COG7: variants seen among roughly 807,000 people sequenced by gnomAD.
COG7 encodes the protein component of oligomeric golgi complex 7.
A neutral mutation model predicts 91.5 loss-of-function variants in COG7; 49 were observed. That is an observed-to-expected ratio of 0.54 (90% CI 0.43 to 0.68). The LOEUF (loss-of-function observed/expected upper bound fraction) is 0.68. COG7 is among the 30% of genes least tolerant of loss of function. The pLI is 0.00. For missense variants in COG7, 895 were observed against 961.3 expected (o/e 0.93, Z 0.91); for synonymous variants, 365 against 388.7 (o/e 0.94, Z 0.72).
chr16:23,443,551 C>G (rs898344105), intron 3 of COG7, among the ~76,000 whole-genome samples: 4 of 151,154 alleles, frequency 2.6e-5, no homozygotes, highest in Admixed American at 6.6e-5. Context: ...ATTAGCCAGG[C>G]ATGGTGGCGT....
At chr16:23,442,271 T>C (rs1351620565) in intron 4 of COG7, among the ~76,000 whole-genome samples, 1 of 149,578 alleles carries the variant, frequency 6.7e-6, no homozygotes, top group East Asian at 2.0e-4. Context: ...GAGGTGGAGG[T>C]TGCAGTAAGC....
chr16:23,443,829 G>A (rs1964139918), intron 3 of COG7, among the ~76,000 whole-genome samples: 1 of 152,110 alleles, frequency 6.6e-6, no homozygotes, highest in Non-Finnish European at 1.5e-5. Context: ...TGGGCATAAA[G>A]TTGATAACAG....
intron 7 of COG7, among the ~76,000 whole-genome samples, chr16:23,420,202 T>C (rs1451533936): frequency 6.6e-6 from 1 of 152,128 alleles, no homozygotes; most frequent in Non-Finnish European, 1.5e-5. Flanking sequence ...CACATAAAAA[T>C]GTAAAACACG....
At chr16:23,425,358 G>T (rs1963829850) in intron 6 of COG7, among the ~76,000 whole-genome samples, 1 of 151,966 alleles carries the variant, frequency 6.6e-6, no homozygotes, top group African/African-American at 2.4e-5. Flanking sequence ...TTGAGACAGG[G>T]TCTCACTCTG....
intron 8 of COG7, among the ~76,000 whole-genome samples, chr16:23,417,942 A>G (rs1274902828): frequency 6.6e-6 from 1 of 152,172 alleles, no homozygotes. Context: ...TGAAATATCA[A>G]TGTACCTCAT....
chr16:23,397,944 C>A, intron 14 of COG7, 102 bp downstream of exon 14: 1 of 1,003,304 alleles, frequency 1.0e-6, no homozygotes, highest in South Asian at 1.3e-5. Context: ...CCAAAAGGGT[C>A]AGATAGCACC....
intron 6 of COG7, among the ~76,000 whole-genome samples, chr16:23,427,190 G>C (rs1326609560): frequency 6.6e-6 from 1 of 152,200 alleles, no homozygotes; most frequent in East Asian, 1.9e-4. Context: ...AGTGGAGGCT[G>C]CAGTGAGCTG....
At chr16:23,429,492 G>A (rs1443241027) in intron 6 of COG7, among the ~76,000 whole-genome samples, 2 of 152,176 alleles carry the variant, frequency 1.3e-5, no homozygotes, top group Non-Finnish European at 2.9e-5. Flanking sequence ...GCTGGGTGCA[G>A]TGGCTCACGC....
chr16:23,393,483 G>A (rs1963234465), intron 14 of COG7, 136 bp from the exon 15 acceptor site: 1 of 697,572 alleles, frequency 1.4e-6, no homozygotes, highest in Admixed American at 2.1e-5. Flanking sequence ...GATCTTTCTA[G>A]TATGTGGCGA....
intron 16 of COG7, 59 bp from the exon 17 acceptor site, chr16:23,389,145 A>C: frequency 6.3e-7 from 1 of 1,590,876 alleles, no homozygotes; most frequent in Admixed American, 1.7e-5. Context: ...AGCAGGTCAG[A>C]GCCCCACAGG....
At chr16:23,408,577 A>C (rs937130505) in intron 11 of COG7, among the ~76,000 whole-genome samples, 9 of 151,920 alleles carry the variant, frequency 5.9e-5, no homozygotes, top group Non-Finnish European at 1.0e-4. Flanking sequence ...CTTTAGTCCA[A>C]GATTTTTTGT....
At chr16:23,442,978 T>TAGCCAAGATCACACCACTGCACTC (rs998689556) in intron 3 of COG7, among the ~76,000 whole-genome samples, 8 of 150,498 alleles carry the variant, frequency 5.3e-5, no homozygotes, top group Non-Finnish European at 7.4e-5. Flanking sequence ...AGACTGCAGT[T>TAGCCAAGATCACACCACTGCACTC]AGCCAAGATC....
intron 16 of COG7, among the ~76,000 whole-genome samples, chr16:23,390,596 T>C (rs942510663): frequency 2.6e-5 from 4 of 151,996 alleles, no homozygotes; most frequent in African/African-American, 9.7e-5. Flanking sequence ...CTTGTGTTTT[T>C]TGTTTTGTTT....
intron 2 of COG7, 62 bp from the exon 3 acceptor site, chr16:23,445,226 G>A: frequency 8.7e-7 from 1 of 1,155,076 alleles, no homozygotes; most frequent in Non-Finnish European, 1.3e-6. Context: ...TCTGCCACCA[G>A]GGACTTGAAA....
intron 9 of COG7, chr16:23,413,984 C>T (rs1426643671): frequency 5.5e-6 from 1 of 182,428 alleles, no homozygotes; most frequent in Non-Finnish European, 1.2e-5. Context: ...GTCATGACAT[C>T]CAAGGTACCT....
At chr16:23,416,881 AG>A (rs1235938626) in intron 9 of COG7, 85 bp downstream of exon 9, 1 of 1,504,118 alleles carries the variant, frequency 6.6e-7, no homozygotes, top group Non-Finnish European at 9.2e-7. Flanking sequence ...CAGGGTTCAG[AG>A]AACAAATACA....
chr16:23,430,818 G>C (rs1439372489), intron 6 of COG7, among the ~76,000 whole-genome samples: 1 of 151,986 alleles, frequency 6.6e-6, no homozygotes, highest in African/African-American at 2.4e-5. Flanking sequence ...TGGGATTACA[G>C]GTGTGAAACA....
intron 14 of COG7, among the ~76,000 whole-genome samples, chr16:23,396,317 C>T (rs1963284773): frequency 6.6e-6 from 1 of 152,162 alleles, no homozygotes; most frequent in African/African-American, 2.4e-5. Context: ...GGTAGCCACT[C>T]AGGTCCCTTC....
chr16:23,392,151 C>G (rs1024957583), intron 16 of COG7: 3 of 1,425,894 alleles, frequency 2.1e-6, no homozygotes, highest in Non-Finnish European at 2.8e-6. Context: ...CTCAACGGTT[C>G]TCAAGTCCTC....
Sources: gnomAD v4.1 joint callset for allele counts (sites outside exome capture counted in the v4.1 genomes callset) on GRCh38, gnomAD v4.1.1 for gene constraint, MANE v1.5 for transcripts, NCBI Gene and HGNC (gene_info 2026-07-23, HGNC 2026-07-21) for gene names.